Variants in BRCA2 observed in about 807,000 individuals in gnomAD.
The protein encoded by BRCA2 is BRCA2 DNA repair associated.
A neutral mutation model predicts 276.7 loss-of-function variants in BRCA2; 203 were observed. The observed-to-expected ratio is 0.73, with a 90% CI of 0.65 to 0.82. The LOEUF is 0.82. Ranked by LOEUF, BRCA2 falls within the 40% of genes least tolerant of loss-of-function variation. The probability of loss-of-function intolerance (pLI) is 0.00; values close to 1 mark genes in which losing one functional copy is unlikely to be tolerated. For missense variants in BRCA2, 3,920 were observed against 3,915.0 expected, an observed-to-expected ratio of 1.00 and a Z score of -0.03; for synonymous variants, 1,289 against 1,338.4, an observed-to-expected ratio of 0.96 and a Z score of 0.81.
intron 20 of BRCA2, among the ~76,000 whole-genome samples, chr13:32,371,928 A>G (rs2072837474): frequency 6.6e-6 from 1 of 152,252 alleles, no homozygotes; most frequent in Non-Finnish European, 1.5e-5. Flanking sequence ...AAAAATGCCA[A>G]TGATCATCTG....
chr13:32,397,068 A>G lies in BRCA2; in HGVS notation c.9648+24A>G, dbSNP rs1272409361. ...TGGTAAGTTAATGTAAACTCAAGGA[A>G]TATTATAAGAAGTATATATGGAGGC... is the stretch of plus-strand genomic sequence containing the variant. On this transcript the variant is annotated intron_variant, in intron 26 of 26. Transcript: ENST00000380152. 7 of 1,607,192 alleles carry G rather than the reference A, an allele frequency of 4.4e-6. No individual in the cohort carries two copies. In the African/African-American group the frequency reaches 5.4e-5, roughly 12 times the overall value.
intron 16 of BRCA2, among the ~76,000 whole-genome samples, chr13:32,360,582 A>T (rs2072731832): frequency 6.6e-6 from 1 of 151,978 alleles, no homozygotes; most frequent in Admixed American, 6.6e-5. Flanking sequence ...TTGGTCTCAA[A>T]CTCCTGACCT....
chr13:32,344,488 T>C (rs1566236773), intron 11 of BRCA2, 70 bp from the exon 12 acceptor site: 1 of 1,000,094 alleles, frequency 1.0e-6, no homozygotes, highest in Non-Finnish European at 1.5e-6. Flanking sequence ...AAAAAAATGG[T>C]CTATAGACTT....
At chr13:32,321,220 A>G (rs1272830932) in intron 3 of BRCA2, among the ~76,000 whole-genome samples, 1 of 152,248 alleles carries the variant, frequency 6.6e-6, no homozygotes, top group African/African-American at 2.4e-5. Flanking sequence ...TAAGGGAGTC[A>G]TCCATTCTGC....
upstream of BRCA2, chr13:32,315,372 T>G (rs2072243187): frequency 6.6e-6 from 1 of 152,284 alleles, no homozygotes; most frequent in African/African-American, 2.4e-5. Context: ...ACAAGGAATT[T>G]CCTTTCGCCA....
intron 22 of BRCA2, 35 bp from the exon 23 acceptor site, chr13:32,379,715 C>G (rs768441606): frequency 1.9e-5 from 30 of 1,590,134 alleles, no homozygotes; most frequent in Non-Finnish European, 2.2e-5. Context: ...ATAATCACTT[C>G]TTCCATTGCA....
intron 24 of BRCA2, among the ~76,000 whole-genome samples, chr13:32,392,350 A>G (rs906213588): frequency 6.6e-6 from 1 of 152,178 alleles, no homozygotes; most frequent in Non-Finnish European, 1.5e-5. Flanking sequence ...GGTTTATCCC[A>G]GGATAGAATG....
chr13:32,340,741 A>G lies in BRCA2; in HGVS notation c.6386A>G (p.Glu2129Gly), dbSNP rs1566234469. ...GAAATGGAAAAAACCTGCAGTAAAG[A>G]ATTTAAATTATCAAATAACTTAAAT... ...NSEMEKTCSKEFKLSNNLNVE... is the reference protein window; with the variant it reads ...NSEMEKTCSKGFKLSNNLNVE... The change falls in exon 11 of 27, where the codon GAA becomes GGA. Residue 2129 changes from glutamate to glycine, a missense_variant. By Grantham distance (98) the Glu-to-Gly change is moderately conservative. Coordinates refer to ENST00000380152, the MANE Select transcript of BRCA2 (RefSeq NM_000059.4). 6.2e-7 allele frequency: 1 copy of G among 1,605,794 alleles called. No homozygotes were observed. Among genetic ancestry groups the G allele is most frequent in the Admixed American group, 1.7e-5 (1 of 57,754 alleles).
chr13:32,363,625 T>G, intron 18 of BRCA2, 92 bp downstream of exon 18: 1 of 1,162,396 alleles, frequency 8.6e-7, no homozygotes, highest in East Asian at 2.5e-5. Context: ...TTACTAAGGA[T>G]GCTCAATTTC....
chr13:32,376,380 G>T (rs1217777944), intron 20 of BRCA2, among the ~76,000 whole-genome samples: 1 of 151,688 alleles, frequency 6.6e-6, no homozygotes, highest in Non-Finnish European at 1.5e-5. Flanking sequence ...AAATTAACCG[G>T]GCATGTTGGA....
intron 24 of BRCA2, among the ~76,000 whole-genome samples, chr13:32,390,413 G>A (rs894045963): frequency 5.9e-5 from 9 of 151,852 alleles, no homozygotes; most frequent in Non-Finnish European, 1.2e-4. Flanking sequence ...GTGAGATTCT[G>A]TCTCTATAAA....
intron 8 of BRCA2, among the ~76,000 whole-genome samples, chr13:32,329,849 C>T (rs925874566): frequency 1.3e-5 from 2 of 151,188 alleles, no homozygotes; most frequent in African/African-American, 4.9e-5. Flanking sequence ...AAGCACATAC[C>T]CTGTGATAAA....
rs1425360495 is a variant in BRCA2 at position 32,340,772 on chromosome 13, A to G, written c.6417A>G (p.Glu2139=). The G allele has an allele frequency of 6.3e-7, 1 of 1,596,038 alleles. No individual in the cohort carries two copies. Among genetic ancestry groups the G allele is most frequent in the Non-Finnish European group, 8.5e-7 (1 of 1,174,906 alleles). ...EFKLSNNLNV[E]GGSSENNHSI... is the part of the protein sequence containing the mutation. ...AATTATCAAATAACTTAAATGTTGA[A>G]GGTGGTTCTTCAGAAAATAATCACT... The change falls in exon 11 of 27, where the codon GAA becomes GAG. Residue 2139 remains glutamate, a synonymous_variant. Transcript: ENST00000380152.
intron 15 of BRCA2, 131 bp from the exon 16 acceptor site, chr13:32,357,611 G>A (rs941379951): frequency 2.4e-6 from 2 of 828,026 alleles, no homozygotes; most frequent in African/African-American, 1.7e-5. Context: ...AAATGTTTTT[G>A]TAGTGAAGAT....
chr13:32,370,228 T>C (rs554884846), intron 18 of BRCA2, among the ~76,000 whole-genome samples, 174 bp from the exon 19 acceptor site: 1 of 152,300 alleles, frequency 6.6e-6, no homozygotes, highest in South Asian at 2.1e-4. Context: ...ATTGTGAAAA[T>C]ATTTTCACTT....
intron 7 of BRCA2, among the ~76,000 whole-genome samples, chr13:32,328,738 A>G (rs541210502): frequency 6.6e-6 from 1 of 152,362 alleles, no homozygotes; most frequent in South Asian, 2.1e-4. Context: ...ACACTAAAAA[A>G]TTATTCATTG....
At chr13:32,358,441 A>T (rs937277754) in intron 16 of BRCA2, among the ~76,000 whole-genome samples, 2 of 148,314 alleles carry the variant, frequency 1.3e-5, no homozygotes, top group South Asian at 4.3e-4. Flanking sequence ...GAGCCACTGC[A>T]CTCCAGGCTG....
At chr13:32,329,886 A>G (rs887958519) in intron 8 of BRCA2, among the ~76,000 whole-genome samples, 1 of 152,200 alleles carries the variant, frequency 6.6e-6, no homozygotes, top group East Asian at 1.9e-4. Flanking sequence ...AGGCACAGTA[A>G]GAGATTAACA....
chr13:32,382,904 G>C (rs1053634296), intron 24 of BRCA2, among the ~76,000 whole-genome samples: 1 of 152,208 alleles, frequency 6.6e-6, no homozygotes, highest in Non-Finnish European at 1.5e-5. Context: ...GCCTTAGCTA[G>C]CAGGAGAGAC....
Sources: allele counts gnomAD v4.1 joint callset (sites outside exome capture counted in the v4.1 genomes callset), GRCh38; gene constraint gnomAD v4.1.1; transcripts MANE v1.5; gene names NCBI Gene and HGNC (gene_info 2026-07-23, HGNC 2026-07-21).